Variants in MGAT3 observed in about 807,000 individuals in gnomAD.
MGAT3 encodes the protein beta-1,4-mannosyl-glycoprotein 4-beta-N-acetylglucosaminyltransferase, also known as GlcNAc-T III.
Under a neutral mutation model 29.8 loss-of-function variants are expected in MGAT3, and 9 were observed. The observed-to-expected ratio is 0.30, with a 90% confidence interval of 0.18 to 0.53. The LOEUF (loss-of-function observed/expected upper bound fraction) is 0.53. MGAT3 is among the 20% of genes least tolerant of loss of function. MGAT3 has a pLI of 0.96. For missense variants in MGAT3, 557 were observed against 769.5 expected (o/e 0.72, Z 3.27); for synonymous variants, 397 against 348.9 (o/e 1.14, Z -1.54).
Position 39,488,895 on chromosome 22 carries a change from G to T in MGAT3, c.1548G>T (p.Arg516Ser). 6.2e-7 allele frequency: 1 copy of T among 1,600,950 alleles called. No homozygotes were observed. Among genetic ancestry groups the T allele is most frequent in the Non-Finnish European group, 8.5e-7 (1 of 1,174,438 alleles). The change falls in exon 2 of 2, where the codon AGG (arginine) becomes AGT (serine). Residue 516 changes from arginine to serine, a missense_variant. By Grantham distance (110) the Arg-to-Ser change is moderately radical (BLOSUM62 -1). Transcript: ENST00000341184. ...RSTAAGGWRH[R>S]GPEGRPPARG... is the part of the protein sequence containing the mutation. ...CGGCGGCGGGCGGGTGGCGCCACAG[G>T]GGTCCCGAGGGAAGGCCGCCCGCCC...
intron 1 of MGAT3, among the ~76,000 whole-genome samples, chr22:39,483,440 G>A (rs1929183950): frequency 1.3e-5 from 2 of 151,944 alleles, no homozygotes; most frequent in Middle Eastern, 3.4e-3. Context: ...AGCTGAGATC[G>A]CACCATTGCA....
rs148339793 is a variant in MGAT3 at position 39,483,057 on chromosome 22, T to C, written c.-1-4290T>C. Reference sequence around the variant, plus strand: ...TTTCCTTGCCTCTCTGAGTTCCTCTTACCTTGCTTTGCTAAAGCCTTTGTT... The same window carrying C: ...TTTCCTTGCCTCTCTGAGTTCCTCTCACCTTGCTTTGCTAAAGCCTTTGTT... On this transcript the variant is annotated intron_variant, in intron 1 of 1. Coordinates refer to ENST00000341184, the MANE Select transcript of MGAT3 (RefSeq NM_002409.5). 2.9e-3 allele frequency among the ~76,000 whole-genome samples: 435 copies of C among 152,352 alleles called. 1 individual carries two copies. Among genetic ancestry groups the C allele is most frequent in the African/African-American group, 1.0e-2 (415 of 41,590 alleles).
chr22:39,483,976 G>A (rs1372927618), intron 1 of MGAT3, among the ~76,000 whole-genome samples: 1 of 152,156 alleles, frequency 6.6e-6, no homozygotes, highest in Non-Finnish European at 1.5e-5. Context: ...CTGATTGTCG[G>A]GATCAGCAGC....
intron 1 of MGAT3, among the ~76,000 whole-genome samples, chr22:39,472,154 C>T (rs1327090950): frequency 6.6e-6 from 1 of 152,068 alleles, no homozygotes; most frequent in African/African-American, 2.4e-5. Flanking sequence ...GGGCTTGGAG[C>T]CAGCAGTACA....
chr22:39,479,391 T>TA (rs1354713887), intron 1 of MGAT3, among the ~76,000 whole-genome samples: 2 of 151,912 alleles, frequency 1.3e-5, no homozygotes, highest in Non-Finnish European at 1.5e-5. Context: ...GGGCACAACT[T>TA]ACGGGGTGTC....
chr22:39,489,590 T>C lies in MGAT3; in HGVS notation c.*641T>C, dbSNP rs1929396156. On this transcript the variant is annotated 3_prime_UTR_variant, in exon 2 of 2. Coordinates refer to ENST00000341184, the MANE Select transcript of MGAT3 (RefSeq NM_002409.5). ...ACAGGACCTGGCTGCCCTGGGATGC[T>C]GGTGCCTGAGTCTGTCTCTGTGCAC... 5.9e-6 allele frequency: 1 copy of C among 168,288 alleles called. No homozygotes were observed. 10.4% of individuals were successfully genotyped at this position (168,288 alleles called of 1,614,324 possible).
Position 39,481,082 on chromosome 22 carries a change from G to C in MGAT3, c.-1-6265G>C, listed in dbSNP as rs73885230. On this transcript the variant is annotated intron_variant, in intron 1 of 1. Coordinates refer to ENST00000341184, the MANE Select transcript of MGAT3 (RefSeq NM_002409.5). ...AATCCTCCAGTGAAAGCCACACTTCGAACCATGCCTCCAGGCCCTGTGATC... is the reference window on the plus strand; with the variant it reads ...AATCCTCCAGTGAAAGCCACACTTCCAACCATGCCTCCAGGCCCTGTGATC... 2.6e-5 allele frequency among the ~76,000 whole-genome samples: 4 copies of C among 152,112 alleles called. No homozygotes were observed. The South Asian group carries it at 8.3e-4, about 31-fold the overall frequency.
Position 39,487,939 on chromosome 22 carries a change from C to G in MGAT3, c.592C>G (p.Arg198Gly), listed in dbSNP as rs764120128. The G allele has an allele frequency of 6.2e-7, 1 of 1,609,080 alleles. No individual in the cohort carries two copies. The highest frequency in any genetic ancestry group is 8.5e-7 in the Non-Finnish European group (1 of 1,178,508). The change falls in exon 2 of 2, where the codon CGG becomes GGG. Residue 198 changes from arginine to glycine, a missense_variant. Physicochemically the swap from Arg to Gly is moderately radical, Grantham distance 125. Coordinates refer to ENST00000341184, the MANE Select transcript of MGAT3 (RefSeq NM_002409.5). This position sits in a 1 kb window ranked among gnomAD's most constrained non-coding sequence, Gnocchi z 5.7. ...GTACTCCAACCTGCCCACCAAGGAG[C>G]GGCTGGTGCCCAGGGAGGTGCCGCG... is the stretch of plus-strand genomic sequence containing the variant. ...VQYSNLPTKE[R>G]LVPREVPRRV...
At chr22:39,477,869 C>T (rs1254692498) in intron 1 of MGAT3, 1 of 152,286 alleles carries the variant, frequency 6.6e-6, no homozygotes, top group Admixed American at 6.5e-5. Context: ...ACTCACTCAA[C>T]TCTCACAACA....
At chr22:39,481,778 G>T (rs942256324) in intron 1 of MGAT3, among the ~76,000 whole-genome samples, 6 of 152,104 alleles carry the variant, frequency 3.9e-5, no homozygotes, top group Admixed American at 1.3e-4. Context: ...TCCTTCTATT[G>T]TGCAATGCTG....
intron 1 of MGAT3, among the ~76,000 whole-genome samples, chr22:39,481,106 T>C (rs1929113571): frequency 6.6e-6 from 1 of 152,238 alleles, no homozygotes; most frequent in Admixed American, 6.5e-5. Flanking sequence ...GGCCCTGTGA[T>C]CTGGGTTTGT....
chr22:39,474,428 G>T (rs576787240), intron 1 of MGAT3, among the ~76,000 whole-genome samples: 6 of 152,228 alleles, frequency 3.9e-5, no homozygotes, highest in Admixed American at 3.3e-4. Context: ...CCGCAGGTGG[G>T]TGTGGACTCT....
At chr22:39,459,310 G>A (rs892111168) in intron 1 of MGAT3, among the ~76,000 whole-genome samples, 2 of 152,170 alleles carry the variant, frequency 1.3e-5, no homozygotes, top group African/African-American at 4.8e-5. Flanking sequence ...CTGACCTCAA[G>A]TGATCCACCC....
intron 1 of MGAT3, among the ~76,000 whole-genome samples, chr22:39,458,217 T>C (rs1436043752): frequency 6.6e-6 from 1 of 152,152 alleles, no homozygotes; most frequent in African/African-American, 2.4e-5. Context: ...TAGTGAGTTC[T>C]GGAACCGGGA....
At chr22:39,477,317 G>A (rs532799841) in intron 1 of MGAT3, among the ~76,000 whole-genome samples, 8 of 152,360 alleles carry the variant, frequency 5.3e-5, no homozygotes, top group Admixed American at 1.3e-4. Flanking sequence ...GCCGGATTCC[G>A]CAGATTCTGG....
rs555476565 is a variant in MGAT3 at position 39,488,240 on chromosome 22, A to G, written c.893A>G (p.Gln298Arg). ...ADDYLRTFLT[Q>R]DGVSRLRNLR... is the part of the protein sequence containing the mutation. ...GACTACCTGCGCACCTTCCTCACCC[A>G]GGACGGCGTCTCGCGGCTGCGCAAC... The change falls in exon 2 of 2, where the codon CAG (glutamine) becomes CGG (arginine). Residue 298 changes from glutamine (Q) to arginine (R), a missense_variant. Physicochemically the swap from Gln to Arg is conservative, Grantham distance 43. Transcript: ENST00000341184. The G allele has an allele frequency of 1.9e-5, 31 of 1,611,976 alleles. No individual in the cohort carries two copies. The African/African-American group carries it at 3.9e-4, about 20-fold the overall frequency.
At chr22:39,469,934 G>A (rs757652590) in intron 1 of MGAT3, among the ~76,000 whole-genome samples, 22 of 152,252 alleles carry the variant, frequency 1.4e-4, no homozygotes, top group Non-Finnish European at 3.1e-4. Flanking sequence ...TCAGGTGTGG[G>A]AACTTGCAGG....
intron 1 of MGAT3, among the ~76,000 whole-genome samples, chr22:39,470,688 C>T (rs1361257811): frequency 6.6e-6 from 1 of 152,128 alleles, no homozygotes; most frequent in Non-Finnish European, 1.5e-5. Flanking sequence ...GGCTTTCCTG[C>T]CCCTCTGCCG....
chr22:39,470,110 C>T (rs533341836), intron 1 of MGAT3, among the ~76,000 whole-genome samples: 3 of 152,188 alleles, frequency 2.0e-5, no homozygotes, highest in Admixed American at 6.5e-5. Flanking sequence ...CAGTGGCGAC[C>T]GAGGCCTGTG....
Sources: gnomAD v4.1 joint callset for allele counts (sites outside exome capture counted in the v4.1 genomes callset) on GRCh38, gnomAD v4.1.1 for gene constraint, Gnocchi (gnomAD v3.1) non-coding constraint, MANE v1.5 for transcripts, NCBI Gene and HGNC (gene_info 2026-07-23, HGNC 2026-07-21) for gene names.